GREB1L: variants seen among roughly 807,000 people sequenced by gnomAD.
The protein encoded by GREB1L is GREB1-like protein.
GREB1L carries 17 observed loss-of-function variants against 200.8 expected under a neutral mutation model. The ratio of observed to expected loss-of-function variants is 0.08; its 90% CI spans 0.06 to 0.13. The LOEUF (loss-of-function observed/expected upper bound fraction) is 0.13. Ranked by LOEUF, GREB1L falls within the 10% of genes least tolerant of loss-of-function variation. The pLI is 1.00. For missense variants in GREB1L, 1,657 were observed against 2,367.7 expected (o/e 0.70, Z 6.23); for synonymous variants, 789 against 893.0 (o/e 0.88, Z 2.08).
intron 1 of GREB1L, among the ~76,000 whole-genome samples, chr18:21,342,313 T>C (rs764128371): frequency 6.6e-6 from 1 of 152,138 alleles, no homozygotes; most frequent in Non-Finnish European, 1.5e-5. Context: ...GAACATGTTA[T>C]ATTCAAGAAC....
intron 1 of GREB1L, among the ~76,000 whole-genome samples, chr18:21,357,473 C>T (rs575905380): frequency 5.9e-4 from 90 of 152,316 alleles, no homozygotes; most frequent in African/African-American, 2.0e-3. Flanking sequence ...TGTGCAGAAG[C>T]TGTTTAATTT....
chr18:21,319,413 T>A (rs2038918775), intron 1 of GREB1L, among the ~76,000 whole-genome samples: 1 of 152,264 alleles, frequency 6.6e-6, no homozygotes, highest in African/African-American at 2.4e-5. Flanking sequence ...ATTTCAAGTA[T>A]GTTGATAAAT....
At chr18:21,398,512 A>G (rs1025256340) in intron 5 of GREB1L, among the ~76,000 whole-genome samples, 9 of 152,218 alleles carry the variant, frequency 5.9e-5, no homozygotes, top group African/African-American at 1.9e-4. Context: ...CCACTTCTCC[A>G]TGTAAAAGTG....
chr18:21,376,830 A>AG (rs2040096735), intron 2 of GREB1L, among the ~76,000 whole-genome samples: 1 of 151,736 alleles, frequency 6.6e-6, no homozygotes, highest in East Asian at 1.9e-4. Context: ...AAAAAAAAAA[A>AG]AAAGAAAGCC....
intron 13 of GREB1L, chr18:21,451,444 T>TCCTC (rs2034514373): frequency 4.4e-6 from 1 of 228,248 alleles, no homozygotes; most frequent in Admixed American, 5.4e-5. Flanking sequence ...GTTCCTTCCT[T>TCCTC]CCTCCTTCCC....
intron 4 of GREB1L, among the ~76,000 whole-genome samples, chr18:21,393,298 T>A (rs953673537): frequency 1.3e-5 from 2 of 151,996 alleles, no homozygotes; most frequent in African/African-American, 4.8e-5. Flanking sequence ...TGAAATAGCG[T>A]TTTTTTCCCT....
intron 27 of GREB1L, 50 bp downstream of exon 27, chr18:21,508,641 C>T (rs760965020): frequency 6.9e-5 from 100 of 1,458,328 alleles, no homozygotes; most frequent in Non-Finnish European, 8.4e-6. Flanking sequence ...ATAAACTGAG[C>T]TCCATTCCCC....
chr18:21,273,175 C>T (rs1462608205), intron 1 of GREB1L, among the ~76,000 whole-genome samples: 1 of 152,176 alleles, frequency 6.6e-6, no homozygotes, highest in Non-Finnish European at 1.5e-5. Flanking sequence ...TTGCAGTGAG[C>T]TGAGATTGTG....
At chr18:21,462,796 A>C (rs984470969) in intron 15 of GREB1L, among the ~76,000 whole-genome samples, 16 of 152,194 alleles carry the variant, frequency 1.1e-4, no homozygotes, top group Admixed American at 3.9e-4. Flanking sequence ...GTATGGAATG[A>C]CTGTAATTTT....
At chr18:21,378,640 G>A (rs1416519831) in intron 2 of GREB1L, among the ~76,000 whole-genome samples, 1 of 152,186 alleles carries the variant, frequency 6.6e-6, no homozygotes, top group Non-Finnish European at 1.5e-5. Context: ...CTCCCAAAGT[G>A]CTGGGATTAC....
chr18:21,345,287 G>C (rs1280679015), intron 1 of GREB1L, among the ~76,000 whole-genome samples: 1 of 152,160 alleles, frequency 6.6e-6, no homozygotes, highest in Non-Finnish European at 1.5e-5. Context: ...AGGGTTCCCT[G>C]AATCAGAAAA....
At chr18:21,473,458 A>T (rs2035560612) in intron 16 of GREB1L, among the ~76,000 whole-genome samples, 2 of 151,684 alleles carry the variant, frequency 1.3e-5, no homozygotes, top group Admixed American at 1.3e-4. Context: ...TAATCCCAGT[A>T]CTTGGGAGGC....
At chr18:21,382,234 A>G (rs2144020219) in intron 2 of GREB1L, among the ~76,000 whole-genome samples, 1 of 152,102 alleles carries the variant, frequency 6.6e-6, no homozygotes, top group Non-Finnish European at 1.5e-5. Context: ...AGTCCCAGCT[A>G]CTTGGGAGGC....
chr18:21,242,623 C>T (rs983968839), intron 1 of GREB1L, among the ~76,000 whole-genome samples: 3 of 152,156 alleles, frequency 2.0e-5, no homozygotes, highest in Non-Finnish European at 4.4e-5. Flanking sequence ...GGAGCCGTGC[C>T]TGCCTTCCCT....
chr18:21,309,113 T>C (rs1480993035), intron 1 of GREB1L, among the ~76,000 whole-genome samples: 2 of 152,238 alleles, frequency 1.3e-5, no homozygotes, highest in Admixed American at 1.3e-4. Context: ...GTGGATATAC[T>C]TCAGAAGAAG....
At chr18:21,408,712 T>C (rs2030584737) in intron 7 of GREB1L, among the ~76,000 whole-genome samples, 1 of 150,442 alleles carries the variant, frequency 6.6e-6, no homozygotes, top group Non-Finnish European at 1.5e-5. Flanking sequence ...GAGAATCACT[T>C]GAACCCGGCA....
chr18:21,348,722 C>T (rs2039390148), intron 1 of GREB1L, among the ~76,000 whole-genome samples: 1 of 152,086 alleles, frequency 6.6e-6, no homozygotes, highest in Non-Finnish European at 1.5e-5. Context: ...TTGCAGTGAG[C>T]TGAGATCGCA....
rs990280453 is a variant in GREB1L, at chr18:21,496,690, G to A, written c.3383G>A (p.Gly1128Glu). Residue 1128 changes from glycine (G) to glutamate (E), a missense_variant, in exon 21 of 33, where the codon GGG becomes GAG. Physicochemically the swap from Gly to Glu is moderately conservative, Grantham distance 98 (BLOSUM62 -2). Coordinates refer to ENST00000424526, the MANE Select transcript of GREB1L (RefSeq NM_001142966.3). ...RPQSNSSAVT[G>E]TSGSIMENGV... ...CAGAGCAACAGCAGCGCTGTCACAG[G>A]GACCTCGGGTCAGTACTTTCTTTTC... 5 of 1,551,142 alleles carry A rather than the reference G, an allele frequency of 3.2e-6. No homozygotes were observed. The African/African-American group carries it at 6.8e-5, about 21-fold the overall frequency.
intron 1 of GREB1L, among the ~76,000 whole-genome samples, chr18:21,260,969 G>A (rs867906867): frequency 2.0e-5 from 3 of 151,702 alleles, no homozygotes; most frequent in Non-Finnish European, 2.9e-5. Flanking sequence ...CAATTACCTC[G>A]TTTTAAAGTT....
Sources: gnomAD v4.1 joint callset for allele counts (sites outside exome capture counted in the v4.1 genomes callset) on GRCh38, gnomAD v4.1.1 for gene constraint, MANE v1.5 for transcripts, NCBI Gene and HGNC (gene_info 2026-07-23, HGNC 2026-07-21) for gene names.